The following PRMT5 variants were observed in gnomAD, a reference collection of about 807,000 sequenced individuals.
PRMT5 encodes protein arginine N-methyltransferase 5.
Under a neutral mutation model 84.0 loss-of-function variants are expected in PRMT5, and 15 were observed. The ratio of observed to expected loss-of-function variants is 0.18; its 90% CI spans 0.12 to 0.28. The LOEUF is 0.28. PRMT5 is among the 10% of genes least tolerant of loss of function. PRMT5 has a pLI of 1.00. For synonymous variants in PRMT5, 276 were observed against 292.4 expected (o/e 0.94, Z 0.57); for missense variants, 486 against 808.0 (o/e 0.60, Z 4.83).
intron 13 of PRMT5, 105 bp from the exon 14 acceptor site, chr14:22,922,940 TA>T: frequency 7.1e-7 from 1 of 1,399,094 alleles, no homozygotes; most frequent in Non-Finnish European, 9.9e-7. Flanking sequence ...CCCCAATCCC[TA>T]ACTTCTCCTT....
At chr14:22,921,749 G>C (rs1394675952) in intron 16 of PRMT5, among the ~76,000 whole-genome samples, 1 of 152,062 alleles carries the variant, frequency 6.6e-6, no homozygotes, top group Non-Finnish European at 1.5e-5. Flanking sequence ...CGGGTGTGGT[G>C]GCTGGCACCT....
intron 6 of PRMT5, 96 bp downstream of exon 6, chr14:22,926,410 G>A: frequency 6.3e-7 from 1 of 1,590,074 alleles, no homozygotes; most frequent in African/African-American, 1.3e-5. Context: ...AGACAGAGGG[G>A]AAGTAGCAAA....
At chr14:22,922,303 A>T (rs1234923253) in intron 15 of PRMT5, 63 bp from the exon 16 acceptor site, 1 of 1,473,488 alleles carries the variant, frequency 6.8e-7, no homozygotes. Flanking sequence ...CCTATGCTGA[A>T]GAGGGTCTCT....
At position 22,928,143 on chromosome 14, in the gene PRMT5, G is replaced by C. The variant is rs774444973; in HGVS notation, c.298C>G (p.Arg100Gly). The C allele has an allele frequency of 1.9e-6, 3 of 1,614,030 alleles. No homozygotes were observed. The highest frequency in any genetic ancestry group is 2.5e-6 in the Non-Finnish European group (3 of 1,179,984). The change falls in exon 3 of 17, where the codon CGC (arginine) becomes GGC (glycine). Residue 100 changes from arginine (R) to glycine (G), a missense_variant. Physicochemically the swap from Arg to Gly is moderately radical, Grantham distance 125 (BLOSUM62 -2). Coordinates refer to ENST00000324366, the MANE Select transcript of PRMT5 (RefSeq NM_006109.5). The surrounding 1 kb of genome is among the most constrained non-coding windows in gnomAD (Gnocchi z 4.8). ...IRPDSKVEKI[R>G]RNSEAAMLQE... The stretch of plus-strand genomic sequence containing the variant: ...AGTCTTACCGCCTCGGAGTTCCTGC[G>C]AATCTTCTCCACTTTTGAGTCTGGA...
chr14:22,927,738 C>T, intron 3 of PRMT5, 78 bp from the exon 4 acceptor site: 2 of 1,482,444 alleles, frequency 1.3e-6, no homozygotes, highest in Non-Finnish European at 1.8e-6. Flanking sequence ...GACAAAGTCT[C>T]ACTCTGTCAC....
rs747131507 is a variant in PRMT5, at chr14:22,929,236, G to C, written c.110+16C>G. On this transcript the variant is annotated intron_variant, in intron 1 of 16. Transcript: ENST00000324366. ...GTTCGGACCCCGCATTCCGCTCGTG[G>C]AGGTCCGGCCCTCACCCCTGCTTGG... 1.8e-5 allele frequency: 29 copies of C among 1,613,764 alleles called. No homozygotes were observed. In the South Asian group the frequency reaches 2.1e-4, roughly 12 times the overall value.
At position 22,924,514 on chromosome 14, in the gene PRMT5, G is replaced by T. The variant is rs749087627; in HGVS notation, c.1041C>A (p.Asp347Glu). The T allele has an allele frequency of 6.8e-6, 11 of 1,613,988 alleles. No homozygotes were observed. The highest frequency in any genetic ancestry group is 2.7e-5 in the African/African-American group (2 of 74,916). Residue 347 changes from aspartate to glutamate, a missense_variant, in exon 10 of 17, where the codon GAC (aspartate) becomes GAA (glutamate). Physicochemically the swap from Asp to Glu is conservative, Grantham distance 45. Coordinates refer to ENST00000324366, the MANE Select transcript of PRMT5 (RefSeq NM_006109.5). This position sits in a 1 kb window ranked among gnomAD's most constrained non-coding sequence, Gnocchi z 6.5. ...TATCCTTCTCCTCTTCTGGTACTCG[G>T]TCTAGCAGACATTTATAGATGGCCT... ...YQQAIYKCLL[D>E]RVPEEEKDTN...
intron 4 of PRMT5, 130 bp downstream of exon 4, chr14:22,927,396 A>G: frequency 7.7e-7 from 1 of 1,300,998 alleles, no homozygotes; most frequent in Non-Finnish European, 1.1e-6. Context: ...GGCATCACCC[A>G]CTGTGCCCGC....
chr14:22,928,223 CA>C lies in PRMT5; in HGVS notation c.230-13del. ...TAGCGTATTCCAGTCTGCACTCCCC[CA>C]CCCAAGAAAGACAAATACTGAATAA... is the stretch of plus-strand genomic sequence containing the variant. On this transcript the variant is annotated splice_polypyrimidine_tract_variant and intron_variant, in intron 2 of 16. Transcript: ENST00000324366. The surrounding 1 kb of genome is among the most constrained non-coding windows in gnomAD (Gnocchi z 4.8). The C allele has an allele frequency of 6.2e-7, 1 of 1,613,028 alleles. No individual in the cohort carries two copies. Among genetic ancestry groups the C allele is most frequent in the Non-Finnish European group, 8.5e-7 (1 of 1,179,092 alleles).
In PRMT5 at chr14:22,928,509, G is replaced by T; in HGVS notation, c.217C>A (p.Leu73Met). 1 of 1,610,812 alleles carries T rather than the reference G, an allele frequency of 6.2e-7. No homozygotes were observed. The highest frequency in any genetic ancestry group is 8.5e-7 in the Non-Finnish European group (1 of 1,176,890). Residue 73 changes from leucine to methionine, a missense_variant, in exon 2 of 17, where the codon CTG becomes ATG. Coordinates refer to ENST00000324366, the MANE Select transcript of PRMT5 (RefSeq NM_006109.5). This position sits in a 1 kb window ranked among gnomAD's most constrained non-coding sequence, Gnocchi z 4.8. ...PGPQTRSDLL[L>M]SGRDWNTLIV... ...GGATGGTCCCTACCCCTTCCTGACA[G>T]CAGTAGGTCTGATCGTGTCTGGGGA...
In PRMT5 at chr14:22,924,863, T is replaced by G. The variant is rs999289869; in HGVS notation, c.939+16A>C. 1.9e-6 allele frequency: 3 copies of G among 1,612,428 alleles called. No homozygotes were observed. Among genetic ancestry groups the G allele is most frequent in the Middle Eastern group, 1.7e-4 (1 of 6,026 alleles). ...TTCCATCCCACCTTCCTCCTCTAAG[T>G]GCACTCCAGACCCACCTGAAGCGGG... On this transcript the variant is annotated intron_variant, in intron 8 of 16. Transcript: ENST00000324366. The surrounding 1 kb of genome is among the most constrained non-coding windows in gnomAD (Gnocchi z 6.5).
chr14:22,921,884 T>C (rs1379888749), intron 16 of PRMT5, among the ~76,000 whole-genome samples: 1 of 120,014 alleles, frequency 8.3e-6, no homozygotes, highest in South Asian at 2.9e-4. Context: ...TCCGTCTCTT[T>C]AAAAAAAAAA....
intron 4 of PRMT5, among the ~76,000 whole-genome samples, 198 bp downstream of exon 4, chr14:22,927,328 T>C (rs537647260): frequency 1.3e-3 from 192 of 152,126 alleles, no homozygotes; most frequent in Non-Finnish European, 2.3e-3. Context: ...CAAGCTGGTC[T>C]CGAACTCCTG....
At position 22,922,540 on chromosome 14, in the gene PRMT5, G is replaced by T. The variant is rs1357378857; in HGVS notation, c.1599C>A (p.Asn533Lys). Residue 533 changes from asparagine (N) to lysine (K), a missense_variant, in exon 15 of 17, where the codon AAC becomes AAA. Coordinates refer to ENST00000324366, the MANE Select transcript of PRMT5 (RefSeq NM_006109.5). ...CAGGAAATTCCAAGGTGCAATAGCG[G>T]TTGTTGTCAATCATAGGATCTGTCA... is the stretch of plus-strand genomic sequence containing the variant. ...HPNRDPMIDN[N>K]RYCTLEFPVE... is the part of the protein sequence containing the mutation. 1.9e-6 allele frequency: 3 copies of T among 1,613,846 alleles called. No individual in the cohort carries two copies. The highest frequency in any genetic ancestry group is 2.5e-6 in the Non-Finnish European group (3 of 1,179,738).
intron 16 of PRMT5, 72 bp from the exon 17 acceptor site, chr14:22,921,128 T>A: frequency 6.4e-7 from 1 of 1,567,498 alleles, no homozygotes; most frequent in Admixed American, 1.7e-5. Context: ...AAGGTAGGTG[T>A]GGAGATAAAA....
rs201479952 is a variant in PRMT5, at chr14:22,929,339, C to A, written c.23G>T (p.Gly8Val). Residue 8 changes from glycine to valine, a missense_variant, in exon 1 of 17, where the codon GGT (glycine) becomes GTT (valine). Physicochemically the swap from Gly to Val is moderately radical, Grantham distance 109 (BLOSUM62 -3). Around this residue, in one of 4 missense-constraint regions of PRMT5, gnomAD observed 51 missense variants for 53.8 expected, o/e 0.95. Coordinates refer to ENST00000324366, the MANE Select transcript of PRMT5 (RefSeq NM_006109.5). MAAMAVG[G>V]AGGSRVSSGR... ...GCTGGACACGCGGCTCCCACCAGCACCCCCGACCGCCATCGCCGCCATCTT... is the reference window on the plus strand; with the variant it reads ...GCTGGACACGCGGCTCCCACCAGCAACCCCGACCGCCATCGCCGCCATCTT... The A allele has an allele frequency of 3.1e-6, 5 of 1,610,060 alleles. No homozygotes were observed. The highest frequency in any genetic ancestry group is 1.1e-5 in the South Asian group (1 of 90,888).
Position 22,924,032 on chromosome 14 carries a change from C to T in PRMT5, c.1351G>A (p.Asp451Asn), listed in dbSNP as rs756575000. 1.3e-6 allele frequency: 2 copies of T among 1,578,378 alleles called. No homozygotes were observed. Among genetic ancestry groups the T allele is most frequent in the South Asian group, 2.4e-5 (2 of 83,982 alleles). Residue 451 changes from aspartate to asparagine, a missense_variant, in exon 12 of 17, where the codon GAT becomes AAT. By Grantham distance (23) the Asp-to-Asn change is conservative (BLOSUM62 1). Coordinates refer to ENST00000324366, the MANE Select transcript of PRMT5 (RefSeq NM_006109.5). The surrounding 1 kb of genome is among the most constrained non-coding windows in gnomAD (Gnocchi z 6.5). ...CCTTTTAGGAAGTGCTGGGCTCCAT[C>T]CAGGCACTCAGGCGACAATTCATTG... ...ADNELSPECLDGAQHFLKDDG... is the reference protein window; with the variant it reads ...ADNELSPECLNGAQHFLKDDG...
chr14:22,921,680 C>T (rs757687456), intron 16 of PRMT5, among the ~76,000 whole-genome samples: 8 of 151,916 alleles, frequency 5.3e-5, no homozygotes, highest in Non-Finnish European at 7.4e-5. Context: ...GTCAGGAGAT[C>T]GAGACCATCC....
Position 22,920,894 on chromosome 14 carries a change from G to T in PRMT5, c.*10C>A, listed in dbSNP as rs2044268360. The T allele has an allele frequency of 1.2e-6, 2 of 1,613,716 alleles. No individual in the cohort carries two copies. ...CTGCTTCCAAGGCTCTGGACACTTG[G>T]CACGCAGGGCTAGAGGCCAATGGTA... On this transcript the variant is annotated 3_prime_UTR_variant, in exon 17 of 17. Coordinates refer to ENST00000324366, the MANE Select transcript of PRMT5 (RefSeq NM_006109.5).
Sources: allele counts gnomAD v4.1 joint callset (sites outside exome capture counted in the v4.1 genomes callset), GRCh38; gene constraint gnomAD v4.1.1; regional missense constraint gnomAD v4.1.1; non-coding constraint Gnocchi (gnomAD v3.1); transcripts MANE v1.5; gene names NCBI Gene and HGNC (gene_info 2026-07-23, HGNC 2026-07-21).